Variants in KLC4 observed in about 807,000 individuals in gnomAD.
The protein encoded by KLC4 is kinesin-like protein 8.
KLC4 carries 49 observed loss-of-function variants against 77.2 expected under a neutral mutation model. That is an observed-to-expected ratio of 0.63 (90% CI 0.50 to 0.80). KLC4 has a LOEUF of 0.80. Among genes scored for constraint, KLC4 ranks in the 30% least tolerant of loss-of-function variants. The pLI, the probability that KLC4 is intolerant of heterozygous loss-of-function variation, is 0.00. For missense variants in KLC4, 669 were observed against 793.5 expected (o/e 0.84, Z 1.89); for synonymous variants, 274 against 314.5 (o/e 0.87, Z 1.36).
chr6:43,071,860 C>G lies in KLC4; in HGVS notation c.1317C>G (p.His439Gln), dbSNP rs1378762887. The G allele has an allele frequency of 6.2e-7, 1 of 1,612,230 alleles. No individual in the cohort carries two copies. The highest frequency in any genetic ancestry group is 1.1e-5 in the South Asian group (1 of 90,328). The change falls in exon 11 of 16, where the codon CAC (histidine) becomes CAG (glutamine). Residue 439 changes from histidine (H) to glutamine (Q), a missense_variant. His to Gln is a conservative substitution (Grantham distance 24). Transcript: ENST00000347162. ...CTCTCTCTGTCCTGCAGAGCCGGCACCATGAGGGTGGGACACCCTATGCTG... is the reference window on the plus strand; with the variant it reads ...CTCTCTCTGTCCTGCAGAGCCGGCAGCATGAGGGTGGGACACCCTATGCTG... ...EEREEMSKSR[H>Q]HEGGTPYAEY...
At position 43,073,958 on chromosome 6, in the gene KLC4, C is replaced by A. The variant is rs956151231; in HGVS notation, c.1802C>A (p.Pro601His). ...LNYLNQPSAAPLQVSRGLSAS... is the reference protein window; with the variant it reads ...LNYLNQPSAAHLQVSRGLSAS... ...TATCTGAACCAACCTAGTGCAGCAC[C>A]CCTCCAGGTGAGAGCAGTGCTTGTG... The change falls in exon 15 of 16, where the codon CCC becomes CAC. Residue 601 changes from proline to histidine, a missense_variant. Pro to His is a moderately conservative substitution (Grantham distance 77). Transcript: ENST00000347162. The A allele has an allele frequency of 1.2e-5, 19 of 1,609,888 alleles. No homozygotes were observed. Among genetic ancestry groups the A allele is most frequent in the Non-Finnish European group, 1.6e-5 (19 of 1,177,822 alleles).
chr6:43,070,907 G>T, intron 8 of KLC4, 42 bp downstream of exon 8: 1 of 595,086 alleles, frequency 1.7e-6, no homozygotes, highest in East Asian at 6.9e-5. Context: ...AACGGAGAGG[G>T]GGGCACAGAG....
Position 43,068,090 on chromosome 6 carries a change from C to T in KLC4, c.879+1007C>T, listed in dbSNP as rs796760149. Among the ~76,000 whole-genome samples the T allele has an allele frequency of 8.8e-4, 54 of 61,466 alleles. 2 individuals carry two copies. Among genetic ancestry groups the T allele is most frequent in the South Asian group, 1.3e-3 (2 of 1,572 alleles). 40.3% of individuals were successfully genotyped at this position (61,466 alleles called of 152,430 possible). A position where few individuals can be genotyped will look rare whatever the true frequency, so the allele number is the denominator to read the frequency against. ...TCCCGCCACTGCACTCCAGCCTGGG[C>T]GACAGAGCGAGACTCCGTCTCAAAA... On this transcript the variant is annotated intron_variant, in intron 6 of 15. Transcript: ENST00000347162.
rs1421245186 is a variant in KLC4, at chr6:43,072,865, T to C, written c.1530T>C (p.Leu510=). The C allele has an allele frequency of 6.2e-7, 1 of 1,613,552 alleles. No individual in the cohort carries two copies. The highest frequency in any genetic ancestry group is 2.2e-5 in the East Asian group (1 of 44,834). The change falls in exon 13 of 16, where the codon CTT becomes CTC. Residue 510 remains leucine, a synonymous_variant. Transcript: ENST00000347162. ...GCCAGACGAAGGTGGCAGAGCTGCT[T>C]GGGGAGAGTGATGGTAGAAGGACCT... ...PISQTKVAEL[L]GESDGRRTSQ... is the part of the protein sequence containing the mutation.
chr6:43,068,107 G>A (rs1349818425), intron 6 of KLC4, among the ~76,000 whole-genome samples: 9 of 46,152 alleles, frequency 2.0e-4, no homozygotes, highest in Non-Finnish European at 3.0e-4. Context: ...GCGAGACTCC[G>A]TCTCAAAAAA....
chr6:43,071,031 G>A (rs188399081), intron 8 of KLC4, among the ~76,000 whole-genome samples, 166 bp downstream of exon 8: 4 of 151,914 alleles, frequency 2.6e-5, no homozygotes, highest in Non-Finnish European at 4.4e-5. Context: ...CTGCCTTTGC[G>A]GATGAAGGAT....
At chr6:43,066,660 C>A in intron 5 of KLC4, 135 bp downstream of exon 5, 1 of 728,390 alleles carries the variant, frequency 1.4e-6, no homozygotes, top group East Asian at 2.7e-5. Context: ...CAACAGGGTG[C>A]TTCTTTATGT....
At chr6:43,061,157 G>A (rs911902578) in intron 1 of KLC4, 154 bp from the exon 2 acceptor site, 7 of 743,584 alleles carry the variant, frequency 9.4e-6, no homozygotes, top group African/African-American at 5.3e-5. Context: ...AGTGATCTAA[G>A]CTCCCTGCCT....
Position 43,071,388 on chromosome 6 carries a change from GC to G in KLC4, c.1255+16del. The G allele has an allele frequency of 6.3e-7, 1 of 1,596,194 alleles. No homozygotes were observed. On this transcript the variant is annotated intron_variant, in intron 9 of 15. Coordinates refer to ENST00000347162, the MANE Select transcript of KLC4 (RefSeq NM_201521.3). ...GGTCTGTGGATGGTGAGTGGTGAGG[GC>G]CTGGGGAAGGGGCTGTGGGGAAGAA...
chr6:43,067,252 CT>C, intron 6 of KLC4, 169 bp downstream of exon 6: 1 of 1,309,650 alleles, frequency 7.6e-7, no homozygotes, highest in Non-Finnish European at 9.8e-7. Context: ...CCTAATGATT[CT>C]CAATTCTCTG....
rs757108965 is a variant in KLC4, at chr6:43,072,817, C to G, written c.1489-7C>G. 1.9e-6 allele frequency: 3 copies of G among 1,613,486 alleles called. No individual in the cohort carries two copies. The highest frequency in any genetic ancestry group is 2.5e-6 in the Non-Finnish European group (3 of 1,179,780). ...AGGAAGTCCCAGGTCCTTCCTTTTC[C>G]TTCCAGGGCACTGACCCTATCAGCC... is the stretch of plus-strand genomic sequence containing the variant. On this transcript the variant is annotated splice_region_variant and splice_polypyrimidine_tract_variant and intron_variant, in intron 12 of 15. Coordinates refer to ENST00000347162, the MANE Select transcript of KLC4 (RefSeq NM_201521.3).
rs543030500 is a variant in KLC4, at chr6:43,065,528, A to G, written c.490-92A>G. ...GAACAACAGTCTTCTCCTAGGTCCC[A>G]TCTGTCTGTGATTTCATGGCTTAGA... On this transcript the variant is annotated intron_variant, in intron 3 of 15. Coordinates refer to ENST00000347162, the MANE Select transcript of KLC4 (RefSeq NM_201521.3). 94 of 833,708 alleles carry G rather than the reference A, an allele frequency of 1.1e-4. 3 individuals carry two copies. Among genetic ancestry groups the G allele is most frequent in the South Asian group, 1.1e-3 (73 of 68,598 alleles). The allele number at this position is 833,708 out of a possible 1,614,324, so 51.6% of individuals were successfully genotyped here.
chr6:43,072,325 T>C (rs1765775431), intron 12 of KLC4, 70 bp downstream of exon 12: 13 of 1,173,026 alleles, frequency 1.1e-5, no homozygotes, highest in Middle Eastern at 2.1e-4. Context: ...CCGAGGTTTC[T>C]TGGGAGTCTC....
rs1199857479 is a variant in KLC4 at position 43,061,340 on chromosome 6, C to T, written c.5C>T (p.Ser2Leu). 6.2e-7 allele frequency: 1 copy of T among 1,613,440 alleles called. No individual in the cohort carries two copies. Among genetic ancestry groups the T allele is most frequent in the Admixed American group, 1.7e-5 (1 of 60,014 alleles). M[S>L]GLVLGQRDEP... ...GGCAAGGTCCCCCAGGCCAGGATGTCAGGCCTGGTGTTGGGGCAGCGGGAT... is the reference window on the plus strand; with the variant it reads ...GGCAAGGTCCCCCAGGCCAGGATGTTAGGCCTGGTGTTGGGGCAGCGGGAT... Residue 2 changes from serine to leucine, a missense_variant, in exon 2 of 16, where the codon TCA becomes TTA. Transcript: ENST00000347162.
rs1480019067 is a variant in KLC4 at position 43,060,496 on chromosome 6, T to C, written c.-26+811T>C. On this transcript the variant is annotated intron_variant, in intron 1 of 15. Transcript: ENST00000347162. ...GTGGTGAAAGAAGGGGTGGGAACGC[T>C]GGACTTCTGGACTTTGGGCAGGGCA... The C allele has an allele frequency of 2.2e-6, 3 of 1,334,420 alleles. No homozygotes were observed. The African/African-American group carries it at 4.5e-5, about 20-fold the overall frequency. The allele number at this position is 1,334,420 out of a possible 1,614,324, so 82.7% of individuals were successfully genotyped here.
In KLC4 at chr6:43,063,053, G is replaced by A. The variant is rs143372223; in HGVS notation, c.395G>A (p.Arg132His). ...ELAGTQQRLQ[R>H]SEQAVAQLEE... ...GCTGGCACCCAGCAGCGGCTACAGC[G>A]CAGTGAACAGGCTGTGGCTCAGCTG... Residue 132 changes from arginine to histidine, a missense_variant, in exon 3 of 16, where the codon CGC (arginine) becomes CAC (histidine). Physicochemically the swap from Arg to His is conservative, Grantham distance 29 (BLOSUM62 0). Transcript: ENST00000347162. 1.0e-4 allele frequency: 166 copies of A among 1,614,236 alleles called. 2 individuals are homozygous for A. The East Asian group carries it at 2.3e-3, about 22-fold the overall frequency.
At position 43,074,985 on chromosome 6, in the gene KLC4, G is replaced by A. The variant is rs557783941; in HGVS notation, c.*313G>A. On this transcript the variant is annotated 3_prime_UTR_variant, in exon 16 of 16. Coordinates refer to ENST00000347162, the MANE Select transcript of KLC4 (RefSeq NM_201521.3). ...TGGCTTTTCAGTCAGAGGGTTGGGGGCTGGCCAGCCAAGCTGCCTTGCCCT... is the reference window on the plus strand; with the variant it reads ...TGGCTTTTCAGTCAGAGGGTTGGGGACTGGCCAGCCAAGCTGCCTTGCCCT... 22 of 379,078 alleles carry A rather than the reference G, an allele frequency of 5.8e-5. No individual in the cohort carries two copies. The highest frequency in any genetic ancestry group is 4.1e-4 in the African/African-American group (20 of 48,724). 23.5% of individuals were successfully genotyped at this position (379,078 alleles called of 1,614,324 possible). A position where few individuals can be genotyped will look rare whatever the true frequency, so the allele number is the denominator to read the frequency against.
At chr6:43,068,111 CAAAAAAAAAAA>C (rs763158428) in intron 6 of KLC4, among the ~76,000 whole-genome samples, 1 of 25,228 alleles carries the variant, frequency 4.0e-5, no homozygotes, top group East Asian at 1.3e-3. Flanking sequence ...GACTCCGTCT[CAAAAAAAAAAA>C]AAAAAAAAAA....
At chr6:43,064,637 G>T (rs984774060) in intron 3 of KLC4, among the ~76,000 whole-genome samples, 1 of 152,226 alleles carries the variant, frequency 6.6e-6, no homozygotes, top group African/African-American at 2.4e-5. Context: ...GAAAGTTCAT[G>T]ATGAGGAAGA....
Sources: gnomAD v4.1 joint callset for allele counts (sites outside exome capture counted in the v4.1 genomes callset) on GRCh38, gnomAD v4.1.1 for gene constraint, MANE v1.5 for transcripts, NCBI Gene and HGNC (gene_info 2026-07-23, HGNC 2026-07-21) for gene names.